ABCB5: variants seen among roughly 807,000 people sequenced by gnomAD.
ABCB5 encodes the protein ATP-binding cassette sub-family B member 5.
Under a neutral mutation model 144.2 loss-of-function variants are expected in ABCB5, and 155 were observed. The observed-to-expected ratio is 1.08, with a 90% CI of 0.94 to 1.23. ABCB5 has a LOEUF of 1.23. Ranked by LOEUF, ABCB5 falls within the 50% of genes most tolerant of loss-of-function variation. ABCB5 has a pLI of 0.00. For synonymous variants in ABCB5, 610 were observed against 528.6 expected, an observed-to-expected ratio of 1.15 and a Z score of -2.11; for missense variants, 1,830 against 1,520.8, an observed-to-expected ratio of 1.20 and a Z score of -3.38.
At chr7:20,647,194 C>T (rs1784430828) in intron 9 of ABCB5, 8 of 788,982 alleles carry the variant, frequency 1.0e-5, no homozygotes, top group Non-Finnish European at 1.2e-5. Flanking sequence ...TGCAACTCAC[C>T]ATGGGGTTTA....
intron 13 of ABCB5, among the ~76,000 whole-genome samples, chr7:20,653,444 A>G (rs1021705962): frequency 1.3e-5 from 2 of 152,240 alleles, no homozygotes; most frequent in Non-Finnish European, 2.9e-5. Flanking sequence ...CCCTTATAAT[A>G]TACACAGATT....
At chr7:20,698,330 G>A (rs1786493862) in intron 16 of ABCB5, 77 bp from the exon 17 acceptor site, 5 of 1,299,502 alleles carry the variant, frequency 3.8e-6, no homozygotes, top group Non-Finnish European at 4.2e-6. Flanking sequence ...TTATAATTCT[G>A]TTTATGATGG....
At chr7:20,733,608 TG>T (rs1330932086) in intron 23 of ABCB5, among the ~76,000 whole-genome samples, 1 of 151,696 alleles carries the variant, frequency 6.6e-6, no homozygotes, top group African/African-American at 2.4e-5. Flanking sequence ...CTAGAGCCAC[TG>T]GTATCACTTT....
chr7:20,730,375 G>A (rs1242282531), intron 23 of ABCB5, among the ~76,000 whole-genome samples: 2 of 152,140 alleles, frequency 1.3e-5, no homozygotes, highest in Admixed American at 6.5e-5. Context: ...CATGTATGGC[G>A]GTGCATGCCT....
chr7:20,641,349 C>G (rs1164109970), intron 5 of ABCB5, among the ~76,000 whole-genome samples: 2 of 92,460 alleles, frequency 2.2e-5, no homozygotes, highest in African/African-American at 3.7e-5. Context: ...TTTATTATTG[C>G]AAAACACACA....
chr7:20,641,284 T>C, intron 5 of ABCB5, among the ~76,000 whole-genome samples: 1 of 152,268 alleles, frequency 6.6e-6, no homozygotes, highest in African/African-American at 2.4e-5. Context: ...CCTACATTCC[T>C]CATATCCAAT....
chr7:20,726,596 G>A lies in ABCB5; in HGVS notation c.2626-444G>A, dbSNP rs570711696. Among the ~76,000 whole-genome samples, 3 of 152,012 alleles carry A rather than the reference G, an allele frequency of 2.0e-5. No homozygotes were observed. In the East Asian group the frequency reaches 5.8e-4, roughly 29 times the overall value. ...TGGCCAGGCTGGTTTCGAACTCCTG[G>A]CCTCAAGTAATCGGCCCGCCTTGGC... On this transcript the variant is annotated intron_variant, in intron 21 of 27. Transcript: ENST00000404938.
rs764899745 is a variant in ABCB5, at chr7:20,739,039, CT to C, written c.2925del (p.Pro976LeufsTer23). ...GCCATCGGAGAAACGCTCGTTTTGG[CT>C]CCTGAATATTCCAAAGCCAAATCGG... Reference protein sequence around the residue: ...AMAIGETLVLAPEYSKAKSGA... With the variant: ...AMAIGETLVLXPEYSKAKSGA... On this transcript the variant is annotated frameshift_variant, in exon 24 of 28. Transcript: ENST00000404938. LOFTEE classifies it high-confidence loss of function. The C allele has an allele frequency of 1.9e-6, 3 of 1,612,004 alleles. No homozygotes were observed. Among genetic ancestry groups the C allele is most frequent in the Non-Finnish European group, 2.5e-6 (3 of 1,179,170 alleles).
At chr7:20,686,522 C>A (rs1786006281) in intron 16 of ABCB5, among the ~76,000 whole-genome samples, 1 of 152,128 alleles carries the variant, frequency 6.6e-6, no homozygotes, top group South Asian at 2.1e-4. Flanking sequence ...TTCTCTGCAG[C>A]ACCCTTTTAC....
chr7:20,705,538 A>C (rs2128044680), intron 20 of ABCB5, among the ~76,000 whole-genome samples: 1 of 152,322 alleles, frequency 6.6e-6, no homozygotes, highest in East Asian at 1.9e-4. Context: ...AGTAAAATAA[A>C]GCTTTCTATT....
At chr7:20,629,147 T>C (rs1324187031) in intron 4 of ABCB5, among the ~76,000 whole-genome samples, 1 of 90,250 alleles carries the variant, frequency 1.1e-5, no homozygotes, top group Non-Finnish European at 2.5e-5. Flanking sequence ...AGAGACTGCG[T>C]GTGTGTGTGT....
chr7:20,670,289 T>C (rs191696749), intron 14 of ABCB5, among the ~76,000 whole-genome samples: 73 of 151,356 alleles, frequency 4.8e-4, no homozygotes, highest in African/African-American at 1.7e-3. Flanking sequence ...AAATGCATCA[T>C]AGAAATGTAA....
intron 3 of ABCB5, among the ~76,000 whole-genome samples, chr7:20,627,425 T>C (rs1258953726): frequency 6.6e-6 from 1 of 152,152 alleles, no homozygotes; most frequent in African/African-American, 2.4e-5. Flanking sequence ...AATAATATTT[T>C]GGTCTCCATT....
At chr7:20,691,320 T>G (rs1786221227) in intron 16 of ABCB5, among the ~76,000 whole-genome samples, 1 of 151,596 alleles carries the variant, frequency 6.6e-6, no homozygotes, top group Non-Finnish European at 1.5e-5. Context: ...AGCTAAGAGT[T>G]GAAGGAGGCC....
At chr7:20,670,773 G>T (rs1785441084) in intron 14 of ABCB5, among the ~76,000 whole-genome samples, 1 of 152,192 alleles carries the variant, frequency 6.6e-6, no homozygotes, top group Non-Finnish European at 1.5e-5. Context: ...GGCAGGCGTG[G>T]TGGCACATGC....
At chr7:20,621,836 ATTTT>A (rs1387990337) in intron 1 of ABCB5, among the ~76,000 whole-genome samples, 1 of 152,154 alleles carries the variant, frequency 6.6e-6, no homozygotes, top group Non-Finnish European at 1.5e-5. Context: ...ACTTGTTAAA[ATTTT>A]ACCTATTATA....
chr7:20,707,798 TTTC>T, intron 20 of ABCB5, among the ~76,000 whole-genome samples: 1 of 116,232 alleles, frequency 8.6e-6, no homozygotes, highest in Admixed American at 1.2e-4. Context: ...GGTAACCTCA[TTTC>T]TTTTTTTTTT....
chr7:20,728,278 T>A (rs1258795830), intron 22 of ABCB5, 37 bp from the exon 23 acceptor site: 3 of 1,607,220 alleles, frequency 1.9e-6, no homozygotes, highest in East Asian at 4.5e-5. Context: ...TTGCTATAAT[T>A]CATGCCTCAT....
At chr7:20,682,254 G>T (rs1785855180) in intron 15 of ABCB5, among the ~76,000 whole-genome samples, 2 of 152,158 alleles carry the variant, frequency 1.3e-5, no homozygotes. Flanking sequence ...AAGATACTGT[G>T]ATGTTTGGTT....
Sources: gnomAD v4.1 joint callset for allele counts (sites outside exome capture counted in the v4.1 genomes callset) on GRCh38, gnomAD v4.1.1 for gene constraint, MANE v1.5 for transcripts, NCBI Gene and HGNC (gene_info 2026-07-23, HGNC 2026-07-21) for gene names.